The following RABL6 variants were observed in gnomAD, a reference collection of about 807,000 sequenced individuals.
RABL6 encodes rab-like protein 6.
Under a neutral mutation model 72.9 loss-of-function variants are expected in RABL6, and 28 were observed. That is an observed-to-expected ratio of 0.38 (90% CI 0.28 to 0.53). The LOEUF is 0.53. Ranked by LOEUF, RABL6 falls within the 20% of genes least tolerant of loss-of-function variation. The pLI, the probability that RABL6 is intolerant of heterozygous loss-of-function variation, is 0.80. For missense variants in RABL6, 1,029 were observed against 1,008.4 expected, an observed-to-expected ratio of 1.02 and a Z score of -0.28; for synonymous variants, 477 against 421.2, an observed-to-expected ratio of 1.13 and a Z score of -1.62.
intron 9 of RABL6, 70 bp downstream of exon 9, chr9:136,837,732 T>G: frequency 6.5e-7 from 1 of 1,544,294 alleles, no homozygotes; most frequent in Non-Finnish European, 8.8e-7. Flanking sequence ...GGTCCTGGAT[T>G]TCGGAGCGCT....
chr9:136,812,753 T>C, intron 1 of RABL6: 1 of 317,518 alleles, frequency 3.1e-6, no homozygotes. Flanking sequence ...TTCTTTCAAA[T>C]GGGAGAGGGA....
intron 1 of RABL6, among the ~76,000 whole-genome samples, chr9:136,818,112 C>T (rs1462559866): frequency 6.7e-6 from 1 of 148,638 alleles, no homozygotes; most frequent in African/African-American, 2.5e-5. Context: ...GCCTGTAATC[C>T]CAGCACTTTG....
In RABL6 at chr9:136,840,782, G is replaced by A. The variant is rs772378969; in HGVS notation, c.*260G>A. The A allele has an allele frequency of 3.9e-6, 6 of 1,547,802 alleles. No individual in the cohort carries two copies. The African/African-American group carries it at 8.2e-5, about 21-fold the overall frequency. On this transcript the variant is annotated 3_prime_UTR_variant, in exon 15 of 15. Coordinates refer to ENST00000311502, the MANE Select transcript of RABL6 (RefSeq NM_024718.5). ...TCGGTGGACACCCTGGCCCTCTCGG[G>A]GCAGAGCCGCCAGTGTTTCTCAGGG...
intron 8 of RABL6, 58 bp from the exon 9 acceptor site, chr9:136,837,288 T>G: frequency 6.6e-7 from 1 of 1,508,928 alleles, no homozygotes; most frequent in Non-Finnish European, 9.0e-7. Flanking sequence ...CCCTGTCACC[T>G]GAGGGCCTCA....
chr9:136,832,672 C>T (rs920050699), intron 7 of RABL6: 2 of 416,114 alleles, frequency 4.8e-6, no homozygotes. Context: ...TGCTGTGTGG[C>T]CCAGGCTGGA....
chr9:136,818,472 G>A (rs540787774), intron 1 of RABL6, among the ~76,000 whole-genome samples: 8 of 146,772 alleles, frequency 5.5e-5, no homozygotes, highest in Non-Finnish European at 9.0e-5. Context: ...GGTCAGGTGC[G>A]GTGGCTCACA....
At chr9:136,813,474 G>A (rs1453316912) in intron 1 of RABL6, 2 of 503,354 alleles carry the variant, frequency 4.0e-6, no homozygotes, top group Non-Finnish European at 3.6e-6. Context: ...ATAGTGCAGG[G>A]AAATAGATCG....
intron 1 of RABL6, among the ~76,000 whole-genome samples, chr9:136,811,241 A>C (rs1049137644): frequency 6.6e-6 from 1 of 152,228 alleles, no homozygotes; most frequent in Non-Finnish European, 1.5e-5. Context: ...GTAATCAAAT[A>C]CATTTAAGAT....
chr9:136,830,701 G>T (rs1476347845), intron 5 of RABL6, among the ~76,000 whole-genome samples: 1 of 152,268 alleles, frequency 6.6e-6, no homozygotes, highest in East Asian at 1.9e-4. Context: ...GGCCTGGAGG[G>T]AGCTGCAGCC....
rs758271434 is a variant in RABL6, at chr9:136,837,574, G to C, written c.1038G>C (p.Ala346=). 6.3e-7 allele frequency: 1 copy of C among 1,578,586 alleles called. No individual in the cohort carries two copies. The highest frequency in any genetic ancestry group is 1.4e-5 in the African/African-American group (1 of 73,778). Residue 346 remains alanine (A), a synonymous_variant, in exon 9 of 15, where the codon GCG becomes GCC. Coordinates refer to ENST00000311502, the MANE Select transcript of RABL6 (RefSeq NM_024718.5). ...VPPSEALPPP[A]CPSAPAPRRS... ...CCTCAGAGGCCCTGCCCCCACCTGCGTGCCCCTCAGCCCCCGCCCCACGGC... is the reference window on the plus strand; with the variant it reads ...CCTCAGAGGCCCTGCCCCCACCTGCCTGCCCCTCAGCCCCCGCCCCACGGC...
Position 136,823,521 on chromosome 9 carries a change from C to G in RABL6, c.131-4C>G. 1 of 1,613,554 alleles carries G rather than the reference C, an allele frequency of 6.2e-7. No homozygotes were observed. Among genetic ancestry groups the G allele is most frequent in the Non-Finnish European group, 8.5e-7 (1 of 1,179,790 alleles). On this transcript the variant is annotated splice_polypyrimidine_tract_variant and splice_region_variant and intron_variant, in intron 1 of 14. Transcript: ENST00000311502. ...GCCTTTTCTTTTTCTCTTCCCGTCCCCAGTGAAGATAGTGATCCGGGGAGA... is the reference window on the plus strand; with the variant it reads ...GCCTTTTCTTTTTCTCTTCCCGTCCGCAGTGAAGATAGTGATCCGGGGAGA...
chr9:136,829,734 G>A (rs945792488), intron 5 of RABL6, among the ~76,000 whole-genome samples: 3 of 152,258 alleles, frequency 2.0e-5, no homozygotes, highest in South Asian at 2.1e-4. Context: ...GGCAAGGCAC[G>A]CACCTTCCAT....
At chr9:136,830,116 A>G (rs1191789278) in intron 5 of RABL6, among the ~76,000 whole-genome samples, 2 of 152,244 alleles carry the variant, frequency 1.3e-5, no homozygotes, top group African/African-American at 2.4e-5. Flanking sequence ...GGCCCCTCCT[A>G]GCCACAGCCA....
At position 136,839,694 on chromosome 9, in the gene RABL6, G is replaced by C. The variant is rs780894977; in HGVS notation, c.1759G>C (p.Asp587His). ...SEGSDTQRRA[D>H]DFPVRDDPSD... ...TGACCAGTTGCTCTCCCTGCTCCAG[G>C]ATGACTTTCCCGTGCGAGATGACCC... The change falls in exon 13 of 15, where the codon GAT becomes CAT. Residue 587 changes from aspartate to histidine, a missense_variant and splice_region_variant. Physicochemically the swap from Asp to His is moderately conservative, Grantham distance 81 (BLOSUM62 -1). Transcript: ENST00000311502. 1.3e-6 allele frequency: 2 copies of C among 1,579,938 alleles called. No individual in the cohort carries two copies. Among genetic ancestry groups the C allele is most frequent in the African/African-American group, 1.3e-5 (1 of 74,602 alleles).
chr9:136,839,649 G>T (rs780836096), intron 12 of RABL6, 45 bp from the exon 13 acceptor site: 9 of 1,553,110 alleles, frequency 5.8e-6, no homozygotes, highest in Non-Finnish European at 6.1e-6. Flanking sequence ...ACCCCTGGGG[G>T]TGTGGGAGGG....
At chr9:136,834,060 C>T (rs767387137) in intron 7 of RABL6, 13 of 1,439,898 alleles carry the variant, frequency 9.0e-6, no homozygotes, top group East Asian at 2.5e-5. Flanking sequence ...GTGTGACTAT[C>T]CTTTTGCTAT....
At chr9:136,840,063 G>A (rs752439376) in intron 13 of RABL6, 91 bp from the exon 14 acceptor site, 217 of 1,575,234 alleles carry the variant, frequency 1.4e-4, no homozygotes, top group Admixed American at 3.7e-4. Context: ...GCTGGGGCTC[G>A]CTGCTTTGTG....
chr9:136,825,930 C>T (rs559586289), intron 3 of RABL6, 104 bp downstream of exon 3: 22 of 1,352,922 alleles, frequency 1.6e-5, no homozygotes, highest in Middle Eastern at 2.0e-4. Flanking sequence ...CCACCATCCT[C>T]GTGGACGGTG....
intron 8 of RABL6, chr9:136,836,078 C>G (rs1370448247): frequency 4.4e-6 from 2 of 453,204 alleles, no homozygotes; most frequent in African/African-American, 4.0e-5. Flanking sequence ...GCCTGCCACT[C>G]TGAGTACCGC....
Sources: allele counts gnomAD v4.1 joint callset (sites outside exome capture counted in the v4.1 genomes callset), GRCh38; gene constraint gnomAD v4.1.1; transcripts MANE v1.5; gene names NCBI Gene and HGNC (gene_info 2026-07-23, HGNC 2026-07-21).